Variants in PRKX observed in about 807,000 individuals in gnomAD.
PRKX encodes protein kinase cAMP-dependent X-linked catalytic subunit, also known as cAMP-dependent protein kinase catalytic subunit PRKX.
A neutral mutation model predicts 22.0 loss-of-function variants in PRKX; 12 were observed. The observed-to-expected ratio is 0.54, with a 90% confidence interval of 0.35 to 0.88. PRKX has a LOEUF of 0.88. PRKX is among the 40% of genes least tolerant of loss of function. The pLI, the probability that PRKX is intolerant of heterozygous loss-of-function variation, is 0.01. For missense variants in PRKX, 217 were observed against 308.0 expected (o/e 0.70, Z 2.21); for synonymous variants, 134 against 137.7 (o/e 0.97, Z 0.19).
At chrX:3,653,638 TAA>T (rs1197956835) in intron 3 of PRKX, among the ~76,000 whole-genome samples, 1 of 72,009 alleles carries the variant, frequency 1.4e-5, no homozygotes, top group African/African-American at 4.9e-5. Flanking sequence ...ATATACTATG[TAA>T]TATATATATT....
chrX:3,620,010 T>C (rs1276882504), intron 6 of PRKX, among the ~76,000 whole-genome samples: 1 of 111,980 alleles, frequency 8.9e-6, no homozygotes, highest in Non-Finnish European at 1.9e-5. Flanking sequence ...ATATCAGGTA[T>C]GATACTACTT....
intron 2 of PRKX, among the ~76,000 whole-genome samples, chrX:3,655,668 T>C (rs1377854357): frequency 8.9e-6 from 1 of 112,493 alleles, no homozygotes; most frequent in Non-Finnish European, 1.9e-5. Flanking sequence ...TAGAGACAGA[T>C]GTTAGGATAT....
At chrX:3,617,128 A>G (rs979312869) in intron 6 of PRKX, among the ~76,000 whole-genome samples, 2 of 93,158 alleles carry the variant, frequency 2.1e-5, no homozygotes, top group African/African-American at 8.5e-5. Flanking sequence ...ATATATACAC[A>G]CATATATTTA....
At chrX:3,658,381 C>T (rs1255225280) in intron 2 of PRKX, among the ~76,000 whole-genome samples, 3 of 111,170 alleles carry the variant, frequency 2.7e-5, no homozygotes, top group Admixed American at 9.6e-5. Context: ...TTCCCGGGCT[C>T]GAGCAATCCT....
intron 5 of PRKX, among the ~76,000 whole-genome samples, chrX:3,622,178 C>T (rs1185358220): frequency 3.7e-5 from 4 of 109,325 alleles, no homozygotes; most frequent in African/African-American, 1.3e-4. Context: ...ACAACGACAA[C>T]AAAAAACAGC....
At chrX:3,687,499 C>G (rs1319529594) in intron 1 of PRKX, among the ~76,000 whole-genome samples, 1 of 111,881 alleles carries the variant, frequency 8.9e-6, no homozygotes. Flanking sequence ...CCTTAATAAA[C>G]TGTAAATGCC....
chrX:3,659,729 G>GTTTTTTTTTT (rs200394116), intron 2 of PRKX, among the ~76,000 whole-genome samples: 2 of 32,654 alleles, frequency 6.1e-5, no homozygotes, highest in Non-Finnish European at 6.4e-5. Flanking sequence ...TTTTTTTTTT[G>GTTTTTTTTTT]TTTTTTTTTT....
At chrX:3,610,451 C>T (rs1926271388) in intron 8 of PRKX, among the ~76,000 whole-genome samples, 1 of 111,042 alleles carries the variant, frequency 9.0e-6, no homozygotes, top group African/African-American at 3.3e-5. Flanking sequence ...CACTGCAATC[C>T]AGCCTGGGCA....
chrX:3,686,203 G>A (rs372434932), intron 1 of PRKX, among the ~76,000 whole-genome samples: 3 of 111,545 alleles, frequency 2.7e-5, no homozygotes. Flanking sequence ...GTAAGTGGGG[G>A]CTGAGAGCAA....
chrX:3,683,766 G>A (rs1466603000), intron 1 of PRKX, among the ~76,000 whole-genome samples: 2 of 111,867 alleles, frequency 1.8e-5, no homozygotes, highest in Admixed American at 9.5e-5. Context: ...CTGAGCCTGG[G>A]AGGTCGAGGC....
chrX:3,699,643 G>C (rs151252274), intron 1 of PRKX, among the ~76,000 whole-genome samples: 1,974 of 112,160 alleles, frequency 0.018, 36 homozygotes, highest in African/African-American at 0.061. Context: ...AGTGAGCCAC[G>C]GCGCCCAGCC....
At chrX:3,680,130 CTGTTGTTGTTGTTGTTGT>C (rs34465309) in intron 1 of PRKX, among the ~76,000 whole-genome samples, 1 of 107,884 alleles carries the variant, frequency 9.3e-6, no homozygotes, top group Non-Finnish European at 1.9e-5. Context: ...ACATCCTGGC[CTGTTGTTGTTGTTGTTGT>C]TGTTGTTGTT....
intron 4 of PRKX, among the ~76,000 whole-genome samples, chrX:3,631,516 G>C (rs374427993): frequency 0.02 from 2,262 of 110,748 alleles, 56 homozygotes; most frequent in African/African-American, 0.069. Context: ...CTGGATACAC[G>C]TGTAGTGGAT....
intron 1 of PRKX, among the ~76,000 whole-genome samples, chrX:3,709,281 T>C (rs770670482): frequency 9.1e-6 from 1 of 110,402 alleles, no homozygotes; most frequent in East Asian, 2.8e-4. Flanking sequence ...CCCACGGATA[T>C]GAAGACGTCA....
At chrX:3,622,696 C>G (rs1030407208) in intron 5 of PRKX, among the ~76,000 whole-genome samples, 2 of 111,911 alleles carry the variant, frequency 1.8e-5, no homozygotes, top group African/African-American at 6.5e-5. Flanking sequence ...TGTCCGCCCA[C>G]CTAAGGCTAG....
chrX:3,653,798 A>AT (rs1555895063), intron 3 of PRKX, among the ~76,000 whole-genome samples: 1 of 61,599 alleles, frequency 1.6e-5, no homozygotes, highest in African/African-American at 6.1e-5. Context: ...TGATATATAT[A>AT]ATATATATTA....
At chrX:3,644,900 G>A (rs1304544944) in intron 3 of PRKX, among the ~76,000 whole-genome samples, 3 of 111,638 alleles carry the variant, frequency 2.7e-5, no homozygotes, top group Non-Finnish European at 5.6e-5. Context: ...CCTTTTGAAA[G>A]ATGAGGCTCT....
intron 6 of PRKX, among the ~76,000 whole-genome samples, chrX:3,620,862 C>T (rs189573324): frequency 8.9e-6 from 1 of 111,853 alleles, no homozygotes; most frequent in East Asian, 2.8e-4. Flanking sequence ...CGTGTGTATA[C>T]TAAAAGCCAC....
intron 7 of PRKX, among the ~76,000 whole-genome samples, chrX:3,614,839 A>G (rs1926383160): frequency 9.1e-6 from 1 of 109,960 alleles, no homozygotes; most frequent in South Asian, 3.9e-4. Flanking sequence ...TCAGTTGATC[A>G]TTACACATTC....
Sources: gnomAD v4.1 joint callset for allele counts (sites outside exome capture counted in the v4.1 genomes callset) on GRCh38, gnomAD v4.1.1 for gene constraint, MANE v1.5 for transcripts, NCBI Gene and HGNC (gene_info 2026-07-23, HGNC 2026-07-21) for gene names.